The following ROBO2 variants were observed in gnomAD, a reference collection of about 807,000 sequenced individuals.
ROBO2 encodes roundabout homolog 2.
In ROBO2, 53 loss-of-function variants were observed where a neutral mutation model predicts 160.8. That is an observed-to-expected ratio of 0.33 (90% CI 0.26 to 0.41). ROBO2 has a LOEUF of 0.41. Ranked by LOEUF, ROBO2 falls within the 10% of genes least tolerant of loss-of-function variation. ROBO2 has a pLI of 1.00. For missense variants in ROBO2, 1,577 were observed against 1,722.4 expected (o/e 0.92, Z 1.49); for synonymous variants, 664 against 611.7 (o/e 1.09, Z -1.26).
intron 8 of ROBO2, among the ~76,000 whole-genome samples, chr3:77,554,885 G>A (rs781079567): frequency 3.3e-5 from 5 of 151,988 alleles, no homozygotes; most frequent in Admixed American, 6.6e-5. Context: ...TGAGAGGATT[G>A]TCTCCAAATT....
Position 75,970,702 on chromosome 3 carries a change from C to T in ROBO2, c.109+33100C>T, listed in dbSNP as rs542916489. Among the ~76,000 whole-genome samples the T allele has an allele frequency of 3.3e-5, 5 of 151,484 alleles. No homozygotes were observed. In the South Asian group the frequency reaches 1.0e-3, roughly 31 times the overall value. ...AAATAAGTAAACGCATTATTTGTTT[C>T]CAAGTTTGAAGCACACATTCTCTTC... On this transcript the variant is annotated intron_variant, in intron 2 of 26. Coordinates refer to the ROBO2 transcript ENST00000487694.
chr3:76,317,700 G>GT (rs759976510), intron 2 of ROBO2, among the ~76,000 whole-genome samples: 15 of 151,962 alleles, frequency 9.9e-5, no homozygotes, highest in Non-Finnish European at 1.9e-4. Flanking sequence ...TGAAAAACAT[G>GT]TTTTTTCTAT....
intron 1 of ROBO2, among the ~76,000 whole-genome samples, chr3:77,096,383 C>T (rs2071060638): frequency 6.6e-6 from 1 of 151,768 alleles, no homozygotes; most frequent in Non-Finnish European, 1.5e-5. Context: ...CAAAATAACA[C>T]ATTATGCAAA....
intron 2 of ROBO2, among the ~76,000 whole-genome samples, chr3:76,760,286 A>G (rs551554123): frequency 1.3e-5 from 2 of 151,918 alleles, no homozygotes; most frequent in African/African-American, 4.8e-5. Flanking sequence ...CAAATTACCG[A>G]AAGTAGTATC....
chr3:76,761,959 T>C (rs1036523513), intron 2 of ROBO2, among the ~76,000 whole-genome samples: 8 of 151,700 alleles, frequency 5.3e-5, no homozygotes, highest in African/African-American at 1.9e-4. Context: ...TCATAAACTT[T>C]TTTTTATCTA....
At chr3:75,961,943 T>G (rs1369716509) in intron 2 of ROBO2, among the ~76,000 whole-genome samples, 2 of 151,404 alleles carry the variant, frequency 1.3e-5, no homozygotes, top group African/African-American at 2.4e-5. Flanking sequence ...GTAGCAATCA[T>G]TAATCTAGGA....
At position 77,644,684 on chromosome 3, in the gene ROBO2, G is replaced by A; in HGVS notation, c.3935-20G>A. On this transcript the variant is annotated intron_variant, in intron 24 of 25. Coordinates refer to ENST00000461745, the Ensembl canonical transcript of ROBO2. ...CATGTTTCTGTTCAATTTAGCCTTT[G>A]GGTTTTTTTTCTTTTTCAGAGGAGG... 6.2e-7 allele frequency: 1 copy of A among 1,612,538 alleles called. No homozygotes were observed. Among genetic ancestry groups the A allele is most frequent in the Non-Finnish European group, 8.5e-7 (1 of 1,179,018 alleles).
chr3:77,214,467 T>C (rs1464726662), intron 2 of ROBO2, among the ~76,000 whole-genome samples: 3 of 152,146 alleles, frequency 2.0e-5, no homozygotes, highest in Non-Finnish European at 4.4e-5. Context: ...TTGAGCCTAT[T>C]TGTGTCGCTG....
rs114362394 is a variant in ROBO2, at chr3:76,863,750, G to C, written c.110-234264G>C. 1.2e-3 allele frequency among the ~76,000 whole-genome samples: 187 copies of C among 152,050 alleles called. 2 individuals are homozygous for C. Among genetic ancestry groups the C allele is most frequent in the African/African-American group, 4.3e-3 (178 of 41,502 alleles). On this transcript the variant is annotated intron_variant, in intron 2 of 26. Transcript: ENST00000487694. ...ATGAAATTAAATATATAACATGTAA[G>C]TTAATTATTATGAGAATGTGTGACT...
intron 2 of ROBO2, among the ~76,000 whole-genome samples, chr3:76,300,898 T>C (rs1709322993): frequency 6.6e-6 from 1 of 152,064 alleles, no homozygotes; most frequent in African/African-American, 2.4e-5. Context: ...AAATGAACTA[T>C]AGAAGTAATT....
intron 2 of ROBO2, among the ~76,000 whole-genome samples, chr3:76,217,881 A>G (rs1703669722): frequency 6.6e-6 from 1 of 152,216 alleles, no homozygotes; most frequent in Non-Finnish European, 1.5e-5. Flanking sequence ...TTAAACCAAT[A>G]TCCTTGATGA....
chr3:76,342,767 C>T (rs1302078671), intron 2 of ROBO2, among the ~76,000 whole-genome samples: 1 of 151,916 alleles, frequency 6.6e-6, no homozygotes, highest in Non-Finnish European at 1.5e-5. Context: ...ATATCTGGTA[C>T]ATGTACAGAT....
chr3:77,475,797 T>G (rs2083927437), intron 2 of ROBO2, among the ~76,000 whole-genome samples: 1 of 152,200 alleles, frequency 6.6e-6, no homozygotes, highest in African/African-American at 2.4e-5. Flanking sequence ...ATCAGTTGCA[T>G]GAATGTCACA....
chr3:77,150,911 A>C (rs1324959967), intron 2 of ROBO2, among the ~76,000 whole-genome samples: 1 of 152,160 alleles, frequency 6.6e-6, no homozygotes, highest in Non-Finnish European at 1.5e-5. Flanking sequence ...GACCATGTGA[A>C]AGTCAAGTTT....
intron 2 of ROBO2, among the ~76,000 whole-genome samples, chr3:76,650,624 G>A (rs2109872947): frequency 6.6e-6 from 1 of 152,200 alleles, no homozygotes; most frequent in Middle Eastern, 3.4e-3. Context: ...CAAGCAGGTA[G>A]CAGTTATTTC....
intron 2 of ROBO2, among the ~76,000 whole-genome samples, chr3:76,849,282 T>C (rs960318447): frequency 1.3e-5 from 2 of 152,204 alleles, no homozygotes; most frequent in Non-Finnish European, 2.9e-5. Context: ...TCAGTAAATA[T>C]ATAGTGGATC....
intron 15 of ROBO2, among the ~76,000 whole-genome samples, chr3:77,577,961 G>T (rs941642979): frequency 6.6e-6 from 1 of 152,024 alleles, no homozygotes; most frequent in Admixed American, 6.6e-5. Flanking sequence ...TGCATAAGAG[G>T]CTTTAAGGCA....
intron 2 of ROBO2, among the ~76,000 whole-genome samples, chr3:77,471,986 A>G (rs1177725967): frequency 2.0e-5 from 3 of 152,192 alleles, no homozygotes; most frequent in Non-Finnish European, 2.9e-5. Context: ...TCTGGAGGAC[A>G]GCATCTTTAG....
intron 2 of ROBO2, among the ~76,000 whole-genome samples, chr3:77,334,902 A>C (rs141553110): frequency 4.3e-4 from 65 of 152,242 alleles, no homozygotes; most frequent in African/African-American, 1.3e-3. Context: ...TATCTATTGT[A>C]AGGTTATCTA....
Sources: allele counts gnomAD v4.1 joint callset (sites outside exome capture counted in the v4.1 genomes callset), GRCh38; gene constraint gnomAD v4.1.1; transcripts MANE v1.5; gene names NCBI Gene and HGNC (gene_info 2026-07-23, HGNC 2026-07-21).